UBE2U: variants seen among roughly 807,000 people sequenced by gnomAD.
UBE2U encodes the protein ubiquitin conjugating enzyme E2 U.
UBE2U carries 39 observed loss-of-function variants against 41.2 expected under a neutral mutation model. The ratio of observed to expected loss-of-function variants is 0.95; its 90% CI spans 0.73 to 1.24. UBE2U has a LOEUF of 1.24. Ranked by LOEUF, UBE2U falls within the 50% of genes most tolerant of loss-of-function variation. UBE2U has a pLI of 0.00. For missense variants in UBE2U, 336 were observed against 363.1 expected, an observed-to-expected ratio of 0.93 and a Z score of 0.61; for synonymous variants, 107 against 117.8, an observed-to-expected ratio of 0.91 and a Z score of 0.60.
intron 3 of UBE2U, among the ~76,000 whole-genome samples, chr1:64,208,783 C>T (rs1037028474): frequency 6.6e-6 from 1 of 152,220 alleles, no homozygotes; most frequent in South Asian, 2.1e-4. Flanking sequence ...GGTCTACGAA[C>T]CTTTTAGGTC....
chr1:64,230,745 A>C (rs909882519), intron 6 of UBE2U, among the ~76,000 whole-genome samples: 8 of 152,166 alleles, frequency 5.3e-5, no homozygotes, highest in Non-Finnish European at 1.2e-4. Flanking sequence ...CCGTTAAACC[A>C]TATAACACTT....
chr1:64,249,436 C>A (rs539738690), intron 8 of UBE2U, among the ~76,000 whole-genome samples: 3 of 146,686 alleles, frequency 2.0e-5, no homozygotes, highest in African/African-American at 7.6e-5. Flanking sequence ...ATATGACCCA[C>A]AACCAAAAGA....
At chr1:64,244,400 G>A (rs1299298105) in intron 8 of UBE2U, 4 of 469,342 alleles carry the variant, frequency 8.5e-6, no homozygotes, top group Non-Finnish European at 1.1e-5. Flanking sequence ...ATCACACATA[G>A]GCATTCAATA....
At chr1:64,261,179 G>A (rs558890834) in intron 9 of UBE2U, among the ~76,000 whole-genome samples, 1 of 152,294 alleles carries the variant, frequency 6.6e-6, no homozygotes, top group South Asian at 2.1e-4. Context: ...AACTTACCAT[G>A]GAAGTCAGCT....
Position 64,203,916 on chromosome 1 carries a change from C to A in UBE2U, c.-135C>A. 2 of 602,830 alleles carry A rather than the reference C, an allele frequency of 3.3e-6. No homozygotes were observed. The highest frequency in any genetic ancestry group is 2.7e-6 in the Non-Finnish European group (1 of 364,658). 37.3% of individuals were successfully genotyped at this position (602,830 alleles called of 1,614,324 possible). On this transcript the variant is annotated 5_prime_UTR_variant, in exon 1 of 10. Transcript: ENST00000371077. ...CTTTAGAAGCCGCTTATCTTGGTACCGTTCTGAGGTTCTAGAAAGCAAGTA... is the reference window on the plus strand; with the variant it reads ...CTTTAGAAGCCGCTTATCTTGGTACAGTTCTGAGGTTCTAGAAAGCAAGTA...
chr1:64,242,063 T>TA (rs1644843986), intron 8 of UBE2U, among the ~76,000 whole-genome samples: 3 of 151,788 alleles, frequency 2.0e-5, no homozygotes, highest in African/African-American at 7.3e-5. Flanking sequence ...AGCTTTTTTT[T>TA]TAAAAAAAAG....
At chr1:64,210,721 T>G (rs1379275496) in intron 3 of UBE2U, 21 bp from the exon 4 acceptor site, 7 of 1,375,120 alleles carry the variant, frequency 5.1e-6, no homozygotes, top group Non-Finnish European at 6.8e-6. Flanking sequence ...ATGCAAATAT[T>G]AATGTATTAT....
At chr1:64,244,527 C>T (rs1259942087) in intron 8 of UBE2U, among the ~76,000 whole-genome samples, 1 of 152,086 alleles carries the variant, frequency 6.6e-6, no homozygotes, top group Non-Finnish European at 1.5e-5. Flanking sequence ...TAGAAAACAA[C>T]ACCTATCATA....
chr1:64,246,034 A>G (rs998310892), intron 8 of UBE2U, among the ~76,000 whole-genome samples: 4 of 152,222 alleles, frequency 2.6e-5, no homozygotes, highest in African/African-American at 7.2e-5. Context: ...GTGTAAAAAT[A>G]TTGCCTATCC....
At chr1:64,240,762 TTTTA>T (rs1455447453) in intron 7 of UBE2U, among the ~76,000 whole-genome samples, 1 of 152,174 alleles carries the variant, frequency 6.6e-6, no homozygotes, top group Non-Finnish European at 1.5e-5. Context: ...CTTTTTAAAT[TTTTA>T]TTTATTTATT....
chr1:64,267,246 G>T lies in UBE2U; in HGVS notation c.*38G>T. 4 of 1,437,672 alleles carry T rather than the reference G, an allele frequency of 2.8e-6. No homozygotes were observed. The highest frequency in any genetic ancestry group is 3.7e-6 in the Non-Finnish European group (4 of 1,093,724). 89.1% of individuals were successfully genotyped at this position (1,437,672 alleles called of 1,614,324 possible). A position where few individuals can be genotyped will look rare whatever the true frequency, so the allele number is the denominator to read the frequency against. ...CAGATTCAAAAAATAAACAGCCTCC[G>T]CCATAGCCCAGCGTTGTGGAGCAAT... On this transcript the variant is annotated 3_prime_UTR_variant, in exon 10 of 10. Transcript: ENST00000371077.
intron 7 of UBE2U, among the ~76,000 whole-genome samples, chr1:64,237,250 G>GA (rs563534995): frequency 1.3e-3 from 155 of 122,856 alleles, no homozygotes; most frequent in Non-Finnish European, 1.8e-3. Context: ...CCTAGCAGTG[G>GA]AAAAAAAAAA....
intron 3 of UBE2U, among the ~76,000 whole-genome samples, chr1:64,209,506 A>G (rs1651532515): frequency 6.6e-6 from 1 of 152,180 alleles, no homozygotes; most frequent in Non-Finnish European, 1.5e-5. Flanking sequence ...AGTTTAAATC[A>G]GGGGGACTTT....
chr1:64,260,386 A>G (rs1645162865), intron 8 of UBE2U, among the ~76,000 whole-genome samples: 1 of 152,184 alleles, frequency 6.6e-6, no homozygotes, highest in African/African-American at 2.4e-5. Context: ...AACATGTCAT[A>G]TTCATTTGCT....
At chr1:64,243,759 C>T (rs916680771) in intron 8 of UBE2U, among the ~76,000 whole-genome samples, 7 of 152,302 alleles carry the variant, frequency 4.6e-5, no homozygotes, top group Non-Finnish European at 1.0e-4. Context: ...CTCCTTACCA[C>T]GTTGTACCTT....
chr1:64,229,721 A>G (rs1051154481), intron 6 of UBE2U, among the ~76,000 whole-genome samples: 5 of 152,194 alleles, frequency 3.3e-5, no homozygotes, highest in Non-Finnish European at 7.3e-5. Context: ...TAGCACTGCC[A>G]TGATTTTCTT....
At chr1:64,240,767 T>C (rs1156924234) in intron 7 of UBE2U, among the ~76,000 whole-genome samples, 1 of 152,210 alleles carries the variant, frequency 6.6e-6, no homozygotes, top group East Asian at 1.9e-4. Context: ...TAAATTTTTA[T>C]TTATTTATTT....
At chr1:64,228,201 C>A (rs1653009562) in intron 6 of UBE2U, among the ~76,000 whole-genome samples, 1 of 152,128 alleles carries the variant, frequency 6.6e-6, no homozygotes, top group African/African-American at 2.4e-5. Context: ...CTAATTGGAT[C>A]TTTTTAGGTC....
At chr1:64,265,138 C>T (rs1308836164) in intron 9 of UBE2U, among the ~76,000 whole-genome samples, 1 of 152,176 alleles carries the variant, frequency 6.6e-6, no homozygotes, top group East Asian at 1.9e-4. Context: ...ATGGCCGTAG[C>T]TCTCTTGCTA....
Sources: gnomAD v4.1 joint callset for allele counts (sites outside exome capture counted in the v4.1 genomes callset) on GRCh38, gnomAD v4.1.1 for gene constraint, MANE v1.5 for transcripts, NCBI Gene and HGNC (gene_info 2026-07-23, HGNC 2026-07-21) for gene names.